LDB2: variants seen among roughly 807,000 people sequenced by gnomAD.
LDB2 encodes the protein LIM domain binding 2.
LDB2 carries 12 observed loss-of-function variants against 44.3 expected under a neutral mutation model. The ratio of observed to expected loss-of-function variants is 0.27; its 90% CI spans 0.17 to 0.44. The LOEUF is 0.44. LDB2 is among the 20% of genes least tolerant of loss of function. LDB2 has a pLI of 1.00. For synonymous variants in LDB2, 164 were observed against 174.8 expected, an observed-to-expected ratio of 0.94 and a Z score of 0.49; for missense variants, 344 against 473.5, an observed-to-expected ratio of 0.73 and a Z score of 2.54.
chr4:16,600,797 T>C (rs920334429), intron 2 of LDB2, among the ~76,000 whole-genome samples: 1 of 152,134 alleles, frequency 6.6e-6, no homozygotes, highest in Non-Finnish European at 1.5e-5. Flanking sequence ...CTTGTAGGTA[T>C]TACTTGTAGA....
chr4:16,868,438 T>C (rs1032204538), intron 1 of LDB2, among the ~76,000 whole-genome samples: 3 of 152,200 alleles, frequency 2.0e-5, no homozygotes, highest in Admixed American at 6.5e-5. Flanking sequence ...ATTCTCTGTA[T>C]AAACTCTTAA....
intron 4 of LDB2, among the ~76,000 whole-genome samples, chr4:16,586,509 C>CAAA (rs1460097877): frequency 4.4e-4 from 61 of 137,960 alleles, no homozygotes; most frequent in Admixed American, 1.3e-3. Context: ...CACACACACA[C>CAAA]ACACACACAC....
chr4:16,842,832 A>G (rs760896642), intron 1 of LDB2, among the ~76,000 whole-genome samples: 1 of 152,220 alleles, frequency 6.6e-6, no homozygotes, highest in Non-Finnish European at 1.5e-5. Context: ...TTTGAATCCA[A>G]TTCTACAACC....
intron 5 of LDB2, among the ~76,000 whole-genome samples, chr4:16,550,609 G>A (rs1309363191): frequency 6.6e-6 from 1 of 152,216 alleles, no homozygotes; most frequent in Non-Finnish European, 1.5e-5. Flanking sequence ...TAAGATTGGT[G>A]AAAATTCCAA....
chr4:16,772,046 C>A (rs1018506913), intron 1 of LDB2, among the ~76,000 whole-genome samples: 10 of 152,124 alleles, frequency 6.6e-5, no homozygotes, highest in Non-Finnish European at 1.2e-4. Flanking sequence ...ACCTTGGGGA[C>A]CTTCCTTCGG....
intron 1 of LDB2, among the ~76,000 whole-genome samples, chr4:16,804,274 T>C (rs1778382050): frequency 6.6e-6 from 1 of 152,162 alleles, no homozygotes; most frequent in Non-Finnish European, 1.5e-5. Context: ...AATTAGATTT[T>C]GTGTTTATAT....
chr4:16,609,034 T>C (rs1724807061), intron 2 of LDB2, among the ~76,000 whole-genome samples: 1 of 152,112 alleles, frequency 6.6e-6, no homozygotes, highest in Non-Finnish European at 1.5e-5. Context: ...AATCCTTCAC[T>C]AGCAATCAAG....
intron 2 of LDB2, among the ~76,000 whole-genome samples, chr4:16,744,556 G>C (rs1188585693): frequency 1.3e-5 from 2 of 148,574 alleles, no homozygotes; most frequent in East Asian, 2.0e-4. Flanking sequence ...CTGACTGCAA[G>C]CTCCGCCTCC....
At chr4:16,769,811 A>G (rs78628026) in intron 1 of LDB2, among the ~76,000 whole-genome samples, 2,447 of 152,300 alleles carry the variant, frequency 0.016, 61 homozygotes, top group African/African-American at 0.056. Context: ...TTCACTCACA[A>G]ATCAAGCCCT....
intron 2 of LDB2, among the ~76,000 whole-genome samples, chr4:16,742,519 G>C (rs1763515787): frequency 6.6e-6 from 1 of 152,110 alleles, no homozygotes; most frequent in African/African-American, 2.4e-5. Context: ...AGACACAGAA[G>C]CCCCTAAGTT....
intron 3 of LDB2, among the ~76,000 whole-genome samples, chr4:16,591,673 G>A (rs1288083349): frequency 2.0e-5 from 3 of 152,078 alleles, no homozygotes; most frequent in African/African-American, 7.2e-5. Flanking sequence ...GAAACCAAAG[G>A]CTTTGTGATT....
At chr4:16,689,940 C>G (rs569944671) in intron 2 of LDB2, among the ~76,000 whole-genome samples, 1 of 152,306 alleles carries the variant, frequency 6.6e-6, no homozygotes, top group Non-Finnish European at 1.5e-5. Flanking sequence ...CTCTGCCTTC[C>G]TTAACACTAC....
chr4:16,808,635 C>T (rs962541711), intron 1 of LDB2, among the ~76,000 whole-genome samples: 3 of 152,114 alleles, frequency 2.0e-5, no homozygotes, highest in African/African-American at 7.2e-5. Flanking sequence ...TACCAAAAGC[C>T]GAGGTCCATG....
intron 1 of LDB2, among the ~76,000 whole-genome samples, chr4:16,824,091 G>A (rs1053335339): frequency 2.6e-5 from 4 of 152,198 alleles, no homozygotes; most frequent in Non-Finnish European, 5.9e-5. Context: ...TGCTCAACAC[G>A]TAGAATGTAA....
Position 16,577,842 on chromosome 4 carries a change from G to A in LDB2, c.615+8080C>T, listed in dbSNP as rs533494608. 2.0e-5 allele frequency among the ~76,000 whole-genome samples: 3 copies of A among 152,176 alleles called. No individual in the cohort carries two copies. The South Asian group carries it at 6.2e-4, about 32-fold the overall frequency. On this transcript the variant is annotated intron_variant, in intron 5 of 7. Transcript: ENST00000304523. ...CTACAGAGATATAGTAACTAAAACA[G>A]CATGGTACTGTCATAAAAACAGAGA...
At chr4:16,700,452 GC>G (rs1753192964) in intron 2 of LDB2, among the ~76,000 whole-genome samples, 1 of 152,112 alleles carries the variant, frequency 6.6e-6, no homozygotes, top group African/African-American at 2.4e-5. Context: ...AAAAAACCCA[GC>G]CCCCCATTTC....
At chr4:16,643,937 G>T (rs1409301730) in intron 2 of LDB2, among the ~76,000 whole-genome samples, 2 of 152,146 alleles carry the variant, frequency 1.3e-5, no homozygotes, top group African/African-American at 4.8e-5. Context: ...ACCTAACCAT[G>T]CTTTTTCATT....
chr4:16,570,547 G>C (rs1448645558), intron 5 of LDB2, among the ~76,000 whole-genome samples: 1 of 124,972 alleles, frequency 8.0e-6, no homozygotes, highest in African/African-American at 2.9e-5. Flanking sequence ...AGAAACAACA[G>C]AAGGGTAAAC....
intron 1 of LDB2, among the ~76,000 whole-genome samples, chr4:16,800,376 A>G (rs1450424544): frequency 1.3e-5 from 2 of 152,232 alleles, no homozygotes; most frequent in African/African-American, 4.8e-5. Context: ...CTATTTCACC[A>G]TTCTTTTAGT....
Sources: gnomAD v4.1 joint callset for allele counts (sites outside exome capture counted in the v4.1 genomes callset) on GRCh38, gnomAD v4.1.1 for gene constraint, MANE v1.5 for transcripts, NCBI Gene and HGNC (gene_info 2026-07-23, HGNC 2026-07-21) for gene names.